PARL: variants seen among roughly 807,000 people sequenced by gnomAD.
The protein encoded by PARL is presenilin associated rhomboid like.
In PARL, 44 loss-of-function variants were observed where a neutral mutation model predicts 51.6. The ratio of observed to expected loss-of-function variants is 0.85; its 90% CI spans 0.67 to 1.10. The LOEUF (loss-of-function observed/expected upper bound fraction) is 1.10, where lower values mean the gene tolerates loss of function less well. PARL is among the 50% of genes least tolerant of loss of function. The probability of loss-of-function intolerance (pLI) is 0.00; values close to 1 mark genes in which losing one functional copy is unlikely to be tolerated. For missense variants in PARL, 441 were observed against 469.5 expected, an observed-to-expected ratio of 0.94 and a Z score of 0.56; for synonymous variants, 172 against 164.0, an observed-to-expected ratio of 1.05 and a Z score of -0.37.
At chr3:183,876,229 T>C (rs930389481) in intron 1 of PARL, among the ~76,000 whole-genome samples, 1 of 152,044 alleles carries the variant, frequency 6.6e-6, no homozygotes, top group Non-Finnish European at 1.5e-5. Flanking sequence ...GTGTTTTTAG[T>C]AGAGATGGGG....
intron 4 of PARL, among the ~76,000 whole-genome samples, chr3:183,852,776 A>G (rs1730695875): frequency 1.3e-5 from 2 of 152,232 alleles, no homozygotes; most frequent in Admixed American, 6.5e-5. Flanking sequence ...ATTAAAAAAT[A>G]CAAAAAAAAT....
intron 3 of PARL, among the ~76,000 whole-genome samples, chr3:183,865,993 C>T (rs1318730623): frequency 1.1e-4 from 17 of 151,822 alleles, no homozygotes. Context: ...GATTCTCCTG[C>T]CTCAGCTTCC....
chr3:183,864,191 T>G (rs1386624564), intron 3 of PARL, among the ~76,000 whole-genome samples: 1 of 152,224 alleles, frequency 6.6e-6, no homozygotes. Flanking sequence ...ATAGGGCTCA[T>G]GCTTCTTGAA....
rs375443339 is a variant in PARL, at chr3:183,884,724, G to A, written c.123C>T (p.Arg41=). The A allele has an allele frequency of 8.9e-4, 1,414 of 1,589,452 alleles. No individual in the cohort carries two copies. The highest frequency in any genetic ancestry group is 1.1e-3 in the Non-Finnish European group (1,332 of 1,170,532). ...GACCAGAGCGCGGCGGCTATTACCT[G>A]CGTCCGAGGAGCTGCGGCGGGGTTA... ...AVLTPPQLLG[R]RFNFFIQQKC... is the part of the protein sequence containing the mutation. Residue 41 remains arginine (R), a splice_region_variant and synonymous_variant, in exon 1 of 10, where the codon CGC becomes CGT. Transcript: ENST00000317096.
At chr3:183,867,524 C>A (rs1041469833) in intron 2 of PARL, among the ~76,000 whole-genome samples, 1 of 151,958 alleles carries the variant, frequency 6.6e-6, no homozygotes, top group Non-Finnish European at 1.5e-5. Flanking sequence ...CAAGGTGAAA[C>A]CCCGTCTCTA....
intron 4 of PARL, among the ~76,000 whole-genome samples, chr3:183,847,650 A>G (rs1730115479): frequency 6.6e-6 from 1 of 152,202 alleles, no homozygotes; most frequent in South Asian, 2.1e-4. Flanking sequence ...GCAGTCACAC[A>G]GTGAACCAGC....
At chr3:183,858,879 G>T (rs1475456290) in intron 4 of PARL, among the ~76,000 whole-genome samples, 2 of 151,332 alleles carry the variant, frequency 1.3e-5, no homozygotes, top group Non-Finnish European at 2.9e-5. Flanking sequence ...AGCCTGGGGA[G>T]ATTATTTCTG....
intron 9 of PARL, among the ~76,000 whole-genome samples, chr3:183,830,735 T>C (rs1727838849): frequency 6.6e-6 from 1 of 152,246 alleles, no homozygotes; most frequent in South Asian, 2.1e-4. Context: ...AAAAATGTTC[T>C]GAATGTGTAT....
At position 183,884,801 on chromosome 3, in the gene PARL, C is replaced by T. The variant is rs1217410843; in HGVS notation, c.46G>A (p.Ala16Thr). 6 of 1,595,480 alleles carry T rather than the reference C, an allele frequency of 3.8e-6. No homozygotes were observed. The African/African-American group carries it at 5.4e-5, about 14-fold the overall frequency. The change falls in exon 1 of 10, where the codon GCG becomes ACG. Residue 16 changes from alanine to threonine, a missense_variant. Ala to Thr is a moderately conservative substitution (Grantham distance 58). Transcript: ENST00000317096. ...CGGCCGCCCACCGACGCACCCCACG[C>T]CTGGCCGCAGCCCCAGCCTCTCTGC... is the stretch of plus-strand genomic sequence containing the variant. ...WAQRGWGCGQ[A>T]WGASVGGRSC...
Position 183,829,517 on chromosome 3 carries a change from A to G in PARL, c.*81T>C. The stretch of plus-strand genomic sequence containing the variant: ...GCTGGCATCTTCCAGACGGGAGCAT[A>G]GCCATGGTCACTCTAGCCGATGTCT... On this transcript the variant is annotated 3_prime_UTR_variant, in exon 10 of 10. Coordinates refer to ENST00000317096, the MANE Select transcript of PARL (RefSeq NM_018622.7). 1 of 1,613,538 alleles carries G rather than the reference A, an allele frequency of 6.2e-7. No individual in the cohort carries two copies. Among genetic ancestry groups the G allele is most frequent in the East Asian group, 2.2e-5 (1 of 44,884 alleles).
intron 7 of PARL, among the ~76,000 whole-genome samples, chr3:183,838,743 C>T (rs1280280042): frequency 1.8e-4 from 27 of 152,190 alleles, no homozygotes. Context: ...ACTCTAACTC[C>T]AAATACCTTA....
chr3:183,861,162 G>A, intron 4 of PARL: 18 of 479,664 alleles, frequency 3.8e-5, no homozygotes, highest in Non-Finnish European at 4.9e-5. Context: ...CATTAATCTA[G>A]TGGAAACAGA....
At chr3:183,872,000 A>ATTT (rs11364933) in intron 1 of PARL, among the ~76,000 whole-genome samples, 26 of 122,600 alleles carry the variant, frequency 2.1e-4, no homozygotes, top group African/African-American at 7.1e-4. Context: ...CCTAGAATGC[A>ATTT]TTTTTTTTTT....
intron 1 of PARL, among the ~76,000 whole-genome samples, chr3:183,876,178 C>A (rs1733777544): frequency 6.6e-6 from 1 of 152,160 alleles, no homozygotes; most frequent in Non-Finnish European, 1.5e-5. Flanking sequence ...CTCCGAGCAG[C>A]TGGGATCACA....
chr3:183,879,879 A>AT (rs532111761), intron 1 of PARL: 2,179 of 130,890 alleles, frequency 0.017, 44 homozygotes, highest in African/African-American at 0.053. Flanking sequence ...ACCAGGACTG[A>AT]TTTTTTTTTT....
intron 5 of PARL, chr3:183,843,399 C>A: frequency 2.1e-6 from 1 of 472,978 alleles, no homozygotes; most frequent in Non-Finnish European, 2.8e-6. Context: ...CACCTGTAGT[C>A]CCAGCTCCTG....
intron 4 of PARL, among the ~76,000 whole-genome samples, chr3:183,850,061 A>G (rs1577323402): frequency 1.3e-5 from 2 of 152,364 alleles, no homozygotes; most frequent in East Asian, 3.9e-4. Context: ...TACCACAAAG[A>G]AAACCCCAGA....
intron 7 of PARL, among the ~76,000 whole-genome samples, chr3:183,839,007 T>C (rs1318916905): frequency 6.6e-6 from 1 of 152,216 alleles, no homozygotes; most frequent in Non-Finnish European, 1.5e-5. Flanking sequence ...ACTGCCTTCA[T>C]ATATTAGGTG....
chr3:183,867,544 C>A (rs1329869841), intron 2 of PARL, among the ~76,000 whole-genome samples: 1 of 151,900 alleles, frequency 6.6e-6, no homozygotes, highest in Non-Finnish European at 1.5e-5. Context: ...ACTAAAAATA[C>A]AAAAAATTAG....
Sources: gnomAD v4.1 joint callset for allele counts (sites outside exome capture counted in the v4.1 genomes callset) on GRCh38, gnomAD v4.1.1 for gene constraint, MANE v1.5 for transcripts, NCBI Gene and HGNC (gene_info 2026-07-23, HGNC 2026-07-21) for gene names.